The following SPAG16 variants were observed in gnomAD, a reference collection of about 807,000 sequenced individuals.
SPAG16 encodes the protein sperm associated antigen 16.
In SPAG16, 86 loss-of-function variants were observed where a neutral mutation model predicts 80.4. That is an observed-to-expected ratio of 1.07 (90% CI 0.90 to 1.28). The LOEUF is 1.28. SPAG16 is among the 50% of genes most tolerant of loss of function. SPAG16 has a pLI of 0.00. For synonymous variants in SPAG16, 294 were observed against 265.9 expected (o/e 1.11, Z -1.03); for missense variants, 870 against 765.3 (o/e 1.14, Z -1.61).
chr2:214,018,212 T>C (rs1454154896), intron 13 of SPAG16, among the ~76,000 whole-genome samples: 1 of 152,140 alleles, frequency 6.6e-6, no homozygotes, highest in Non-Finnish European at 1.5e-5. Flanking sequence ...AACATTGCAT[T>C]AGGCAACTGT....
At chr2:214,274,468 C>T (rs1425633761) in intron 15 of SPAG16, among the ~76,000 whole-genome samples, 1 of 152,132 alleles carries the variant, frequency 6.6e-6, no homozygotes, top group African/African-American at 2.4e-5. Flanking sequence ...AGATATGTTC[C>T]AGCAATACCT....
chr2:213,883,937 G>A (rs2076452911), intron 11 of SPAG16, among the ~76,000 whole-genome samples: 1 of 152,164 alleles, frequency 6.6e-6, no homozygotes, highest in African/African-American at 2.4e-5. Flanking sequence ...ACAGCAGATG[G>A]TTGGGTCTTC....
intron 9 of SPAG16, among the ~76,000 whole-genome samples, chr2:213,453,999 C>T (rs1026572690): frequency 2.6e-5 from 4 of 152,132 alleles, no homozygotes; most frequent in Non-Finnish European, 5.9e-5. Flanking sequence ...TTATCTATTA[C>T]TCTCTTTCTT....
intron 11 of SPAG16, among the ~76,000 whole-genome samples, chr2:213,895,625 T>A (rs2076964200): frequency 1.3e-5 from 2 of 152,322 alleles, no homozygotes; most frequent in South Asian, 2.1e-4. Flanking sequence ...CCAACTCATC[T>A]TTGGCTAAGG....
intron 9 of SPAG16, among the ~76,000 whole-genome samples, chr2:213,427,601 AT>A (rs1471434028): frequency 1.2e-4 from 19 of 152,184 alleles, no homozygotes; most frequent in African/African-American, 4.3e-4. Context: ...GTAAATTATC[AT>A]TTTCTGTCTA....
intron 5 of SPAG16, among the ~76,000 whole-genome samples, chr2:213,328,952 A>C (rs1186784012): frequency 1.3e-5 from 2 of 152,096 alleles, no homozygotes; most frequent in Non-Finnish European, 2.9e-5. Flanking sequence ...AAGTCTCACG[A>C]GATCTGATGG....
At chr2:213,883,732 CTT>C (rs567650601) in intron 11 of SPAG16, among the ~76,000 whole-genome samples, 3 of 152,164 alleles carry the variant, frequency 2.0e-5, no homozygotes, top group Admixed American at 6.5e-5. Flanking sequence ...GGCAAGTCTG[CTT>C]GTTGGATTGC....
chr2:214,237,026 T>C (rs1247103563), intron 15 of SPAG16, among the ~76,000 whole-genome samples: 1 of 152,180 alleles, frequency 6.6e-6, no homozygotes. Flanking sequence ...TTAGACCTTA[T>C]CATGAAAGGA....
At chr2:213,411,847 A>G (rs765559396) in intron 9 of SPAG16, among the ~76,000 whole-genome samples, 4 of 152,100 alleles carry the variant, frequency 2.6e-5, no homozygotes, top group Non-Finnish European at 4.4e-5. Context: ...CACCTTATCC[A>G]GAGAAACTTC....
chr2:213,382,029 T>A (rs1171838542), intron 9 of SPAG16, among the ~76,000 whole-genome samples: 1 of 152,122 alleles, frequency 6.6e-6, no homozygotes, highest in Non-Finnish European at 1.5e-5. Context: ...TGTACAAACC[T>A]GTATGGAAAT....
intron 15 of SPAG16, among the ~76,000 whole-genome samples, chr2:214,254,786 T>C (rs1576606867): frequency 6.6e-6 from 1 of 151,706 alleles, no homozygotes; most frequent in East Asian, 1.9e-4. Flanking sequence ...TATATTTAGT[T>C]GGGGGAAAAC....
chr2:214,126,737 T>C (rs566476815), intron 14 of SPAG16, among the ~76,000 whole-genome samples: 1 of 151,926 alleles, frequency 6.6e-6, no homozygotes, highest in Non-Finnish European at 1.5e-5. Flanking sequence ...ATCTTACAGA[T>C]TGTGTATCTA....
At chr2:213,748,082 T>G (rs545840660) in intron 10 of SPAG16, among the ~76,000 whole-genome samples, 24 of 152,346 alleles carry the variant, frequency 1.6e-4, no homozygotes, top group South Asian at 1.2e-3. Context: ...ATGTATCAAT[T>G]CTTTTTTTTC....
chr2:214,273,268 T>C (rs921003061), intron 15 of SPAG16, among the ~76,000 whole-genome samples: 3 of 152,240 alleles, frequency 2.0e-5, no homozygotes, highest in African/African-American at 7.2e-5. Context: ...TGGTAGTTTC[T>C]TTTGCTGTGC....
chr2:214,016,468 G>A (rs1357061587), intron 13 of SPAG16, among the ~76,000 whole-genome samples: 2 of 152,158 alleles, frequency 1.3e-5, no homozygotes, highest in Non-Finnish European at 2.9e-5. Context: ...TTACAATTCA[G>A]GGTGAGATTT....
chr2:214,385,049 G>A (rs188548025), intron 15 of SPAG16, among the ~76,000 whole-genome samples: 11 of 152,352 alleles, frequency 7.2e-5, no homozygotes, highest in Admixed American at 6.5e-4. Context: ...TATTGAAAAT[G>A]TGCTTAGTCC....
intron 10 of SPAG16, among the ~76,000 whole-genome samples, chr2:213,712,502 T>C (rs2066043979): frequency 6.6e-6 from 1 of 152,134 alleles, no homozygotes; most frequent in Admixed American, 6.5e-5. Context: ...GCCAGACTTG[T>C]AAAAGATGAC....
intron 13 of SPAG16, among the ~76,000 whole-genome samples, chr2:214,049,660 T>C (rs1174682187): frequency 5.3e-5 from 8 of 152,238 alleles, no homozygotes; most frequent in Non-Finnish European, 1.0e-4. Flanking sequence ...GGTTGTGCAT[T>C]CAGTGGGCTC....
intron 10 of SPAG16, among the ~76,000 whole-genome samples, chr2:213,615,549 C>A (rs1330155308): frequency 3.9e-5 from 6 of 152,154 alleles, no homozygotes; most frequent in Admixed American, 2.6e-4. Flanking sequence ...TGAGATCATG[C>A]CACTGCACTC....
Sources: allele counts gnomAD v4.1 joint callset (sites outside exome capture counted in the v4.1 genomes callset), GRCh38; gene constraint gnomAD v4.1.1; transcripts MANE v1.5; gene names NCBI Gene and HGNC (gene_info 2026-07-23, HGNC 2026-07-21).